The following PLD5 variants were observed in gnomAD, a reference collection of about 807,000 sequenced individuals.
The protein encoded by PLD5 is inactive phospholipase D5.
PLD5 carries 36 observed loss-of-function variants against 61.1 expected under a neutral mutation model. The ratio of observed to expected loss-of-function variants is 0.59; its 90% CI spans 0.45 to 0.78. The LOEUF (loss-of-function observed/expected upper bound fraction) is 0.78, where lower values mean the gene tolerates loss of function less well. Ranked by LOEUF, PLD5 falls within the 30% of genes least tolerant of loss-of-function variation. The probability of loss-of-function intolerance (pLI) is 0.00; values close to 1 mark genes in which losing one functional copy is unlikely to be tolerated. For missense variants in PLD5, 515 were observed against 644.4 expected, an observed-to-expected ratio of 0.80 and a Z score of 2.17; for synonymous variants, 243 against 242.8, an observed-to-expected ratio of 1.00 and a Z score of -0.01.
chr1:242,345,815 T>C (rs1660095920), intron 2 of PLD5: 1 of 420,896 alleles, frequency 2.4e-6, no homozygotes, highest in Admixed American at 3.5e-5. Context: ...CCCTACCTCC[T>C]CATCCTGTGC....
chr1:242,396,668 C>CT (rs200515376), intron 1 of PLD5, among the ~76,000 whole-genome samples: 42 of 125,120 alleles, frequency 3.4e-4, no homozygotes, highest in African/African-American at 9.8e-4. Context: ...TCTTTCTTTT[C>CT]TTTTCTTTTT....
intron 1 of PLD5, among the ~76,000 whole-genome samples, chr1:242,351,677 A>T (rs1400947133): frequency 6.6e-6 from 1 of 152,222 alleles, no homozygotes; most frequent in Non-Finnish European, 1.5e-5. Flanking sequence ...CAGCATGAGA[A>T]CAGACTAATA....
intron 1 of PLD5, among the ~76,000 whole-genome samples, chr1:242,493,915 G>A (rs1365119548): frequency 1.3e-5 from 2 of 152,212 alleles, no homozygotes; most frequent in Admixed American, 1.3e-4. Flanking sequence ...GCTAAGCTCT[G>A]TCGAAAAGGA....
At chr1:242,424,384 C>A (rs1022928511) in intron 1 of PLD5, among the ~76,000 whole-genome samples, 1 of 152,148 alleles carries the variant, frequency 6.6e-6, no homozygotes, top group Non-Finnish European at 1.5e-5. Context: ...GACTGATATT[C>A]AGATGATCCA....
intron 1 of PLD5, among the ~76,000 whole-genome samples, chr1:242,354,480 T>C (rs1466735166): frequency 6.6e-6 from 1 of 152,200 alleles, no homozygotes; most frequent in East Asian, 1.9e-4. Context: ...CTACCACCAC[T>C]GGCTTGCTGT....
At chr1:242,362,534 G>C (rs1661126207) in intron 1 of PLD5, among the ~76,000 whole-genome samples, 1 of 152,094 alleles carries the variant, frequency 6.6e-6, no homozygotes, top group African/African-American at 2.4e-5. Context: ...GGCCCTATAG[G>C]CCTTTCCTAT....
chr1:242,101,766 G>T lies in PLD5; in HGVS notation c.1240-984C>A, dbSNP rs1315185477. Among the ~76,000 whole-genome samples the T allele has an allele frequency of 2.6e-5, 4 of 152,180 alleles. No individual in the cohort carries two copies. The East Asian group carries it at 7.7e-4, about 29-fold the overall frequency. On this transcript the variant is annotated intron_variant, in intron 8 of 9. Coordinates refer to ENST00000536534, the MANE Select transcript of PLD5 (RefSeq NM_001372062.1). ...TGGTTTGAGGAAATAATGAGAGTTG[G>T]ACTTCCCCCTCCCCTAGCGTGGTAG...
rs564908092 is a variant in PLD5, at chr1:242,391,882, A to G, written c.190-43640T>C. ...TCAAAGAACTTAAAACAGAACCACC[A>G]TTTGACTCAGCAATCCCATTACTGG... is the stretch of plus-strand genomic sequence containing the variant. On this transcript the variant is annotated intron_variant, in intron 1 of 9. Coordinates refer to ENST00000536534, the MANE Select transcript of PLD5 (RefSeq NM_001372062.1). Among the ~76,000 whole-genome samples, 11 of 152,318 alleles carry G rather than the reference A, an allele frequency of 7.2e-5. No individual in the cohort carries two copies. The East Asian group carries it at 2.1e-3, about 29-fold the overall frequency.
At chr1:242,239,391 C>A (rs538341502) in intron 4 of PLD5, among the ~76,000 whole-genome samples, 1 of 152,256 alleles carries the variant, frequency 6.6e-6, no homozygotes, top group South Asian at 2.1e-4. Context: ...TTTTGAGTTA[C>A]CTTGCATAAT....
At chr1:242,137,311 G>T (rs1663811590) in intron 5 of PLD5, among the ~76,000 whole-genome samples, 1 of 152,044 alleles carries the variant, frequency 6.6e-6, no homozygotes, top group Admixed American at 6.6e-5. Flanking sequence ...TTATCTCTTT[G>T]CGCTCAGCTC....
intron 1 of PLD5, among the ~76,000 whole-genome samples, chr1:242,410,610 C>T (rs1664494715): frequency 6.6e-6 from 1 of 151,876 alleles, no homozygotes; most frequent in Admixed American, 6.6e-5. Context: ...TAATAAATCC[C>T]ACTGAACATT....
rs74153345 is a variant in PLD5, at chr1:242,111,844, T to C, written c.1070+2046A>G. On this transcript the variant is annotated intron_variant, in intron 7 of 9. Coordinates refer to ENST00000536534, the MANE Select transcript of PLD5 (RefSeq NM_001372062.1). ...TAAAAATACAATAAAAGAAGTTTCA[T>C]TTAATAGCTGAAATGGTAGATTATA... 9.7e-3 allele frequency among the ~76,000 whole-genome samples: 1,484 copies of C among 152,326 alleles called. 28 individuals carry two copies. Among genetic ancestry groups the C allele is most frequent in the African/African-American group, 0.034 (1,410 of 41,578 alleles).
At chr1:242,114,139 A>C in intron 6 of PLD5, 113 bp from the exon 7 acceptor site, 1 of 1,136,246 alleles carries the variant, frequency 8.8e-7, no homozygotes, top group Non-Finnish European at 1.2e-6. Context: ...TTGCAAACCT[A>C]ATTTCTGCTT....
intron 8 of PLD5, among the ~76,000 whole-genome samples, chr1:242,102,804 CT>C (rs1414326535): frequency 1.3e-5 from 2 of 152,014 alleles, no homozygotes; most frequent in Non-Finnish European, 2.9e-5. Context: ...TGTATGGCCT[CT>C]GTTTTATAAA....
chr1:242,233,964 G>A (rs1444156781), intron 4 of PLD5, among the ~76,000 whole-genome samples: 1 of 152,008 alleles, frequency 6.6e-6, no homozygotes, highest in Non-Finnish European at 1.5e-5. Context: ...TGGGAGATGT[G>A]GTTAAATTAA....
chr1:242,394,907 A>T (rs537587757), intron 1 of PLD5, among the ~76,000 whole-genome samples: 4 of 129,096 alleles, frequency 3.1e-5, no homozygotes, highest in Admixed American at 8.7e-5. Flanking sequence ...ATTATATATG[A>T]ATATATATGT....
chr1:242,335,700 T>C lies in PLD5; in HGVS notation c.326+12406A>G, dbSNP rs185141867. 4.5e-3 allele frequency among the ~76,000 whole-genome samples: 691 copies of C among 152,314 alleles called. 3 individuals carry two copies. Among genetic ancestry groups the C allele is most frequent in the African/African-American group, 0.016 (661 of 41,564 alleles). ...TAAGGGACAGCCCTGATTCATCTTA[T>C]AGAGTAAATGTTACAATTATTGAAG... On this transcript the variant is annotated intron_variant, in intron 2 of 9. Transcript: ENST00000536534.
chr1:242,158,498 CCA>C (rs1345044803), intron 5 of PLD5, among the ~76,000 whole-genome samples: 5 of 152,088 alleles, frequency 3.3e-5, no homozygotes, highest in Admixed American at 1.3e-4. Context: ...CATGGGAAAA[CCA>C]CAGTATCTGG....
intron 5 of PLD5, chr1:242,209,452 C>T (rs539083527): frequency 4.6e-5 from 7 of 152,238 alleles, no homozygotes; most frequent in Non-Finnish European, 7.3e-5. Context: ...ATTAGTCCAA[C>T]AGCATGTGCT....
Sources: gnomAD v4.1 joint callset for allele counts (sites outside exome capture counted in the v4.1 genomes callset) on GRCh38, gnomAD v4.1.1 for gene constraint, MANE v1.5 for transcripts, NCBI Gene and HGNC (gene_info 2026-07-23, HGNC 2026-07-21) for gene names.